SLX4: variants seen among roughly 807,000 people sequenced by gnomAD.
SLX4 encodes the protein SLX4 structure-specific endonuclease subunit, also known as structure-specific endonuclease subunit SLX4.
A neutral mutation model predicts 146.2 loss-of-function variants in SLX4; 112 were observed. The observed-to-expected ratio is 0.77, with a 90% CI of 0.66 to 0.90. The LOEUF is 0.90. Among genes scored for constraint, SLX4 ranks in the 40% least tolerant of loss-of-function variants. SLX4 has a pLI of 0.00. For synonymous variants in SLX4, 1,061 were observed against 997.7 expected, an observed-to-expected ratio of 1.06 and a Z score of -1.20; for missense variants, 2,563 against 2,392.7, an observed-to-expected ratio of 1.07 and a Z score of -1.49.
chr16:3,582,631 T>C lies in SLX4; in HGVS notation c.5216A>G (p.Glu1739Gly), dbSNP rs1238019311. 1.2e-6 allele frequency: 2 copies of C among 1,613,140 alleles called. No homozygotes were observed. The highest frequency in any genetic ancestry group is 2.7e-5 in the African/African-American group (2 of 74,874). The change falls in exon 15 of 15, where the codon GAG becomes GGG. Residue 1739 changes from glutamate (E) to glycine (G), a missense_variant. By Grantham distance (98) the Glu-to-Gly change is moderately conservative. Coordinates refer to ENST00000294008, the MANE Select transcript of SLX4 (RefSeq NM_032444.4). ...CACGGCTGCCTGCGAGGCACTGACC[T>C]CCCCCTCGCCCTCCTCTTCACCTGC... ...ESAGEEEGEG[E>G]VSASQAAVQA...
chr16:3,601,910 A>T (rs1359095452), intron 4 of SLX4: 6 of 581,308 alleles, frequency 1.0e-5, no homozygotes, highest in Non-Finnish European at 1.8e-5. Context: ...TGAATATCCC[A>T]AAAGTAGTGA....
intron 4 of SLX4, chr16:3,601,741 G>C (rs1267202117): frequency 3.1e-6 from 1 of 326,758 alleles, no homozygotes; most frequent in Non-Finnish European, 5.9e-6. Context: ...GGACAACTGT[G>C]CAATTTCAGA....
chr16:3,608,672 G>A lies in SLX4; in HGVS notation c.293C>T (p.Thr98Ile). Residue 98 changes from threonine (T) to isoleucine (I), a missense_variant, in exon 2 of 15, where the codon ACC becomes ATC. Transcript: ENST00000294008. Reference protein sequence around the residue: ...SKLKRTKQTATKTKTLQGPAE... With the variant: ...SKLKRTKQTAIKTKTLQGPAE... ...AGGGCCTTGAAGGGTTTTGGTCTTG[G>A]TAGCAGTTTGTTTGGTCCTTTTCAA... 1.2e-6 allele frequency: 2 copies of A among 1,614,192 alleles called. No individual in the cohort carries two copies. The highest frequency in any genetic ancestry group is 2.2e-5 in the South Asian group (2 of 91,074).
At position 3,597,569 on chromosome 16, in the gene SLX4, G is replaced by C. The variant is rs1326014010; in HGVS notation, c.1493C>G (p.Ser498Cys). The C allele has an allele frequency of 1.2e-6, 2 of 1,614,080 alleles. No homozygotes were observed. Among genetic ancestry groups the C allele is most frequent in the Non-Finnish European group, 1.7e-6 (2 of 1,180,032 alleles). ...ALLLSEEVELSSTPPLPASRI... is the reference protein window; with the variant it reads ...ALLLSEEVELCSTPPLPASRI... ...GCTGGCAGGAAGTGGTGGCGTGCTA[G>C]ACAATTCCACTTCCTCAGAGAGGAG... The change falls in exon 7 of 15, where the codon TCT becomes TGT. Residue 498 changes from serine (S) to cysteine (C), a missense_variant. Transcript: ENST00000294008. The surrounding 1 kb of genome is among the most constrained non-coding windows in gnomAD (Gnocchi z 4.4).
intron 5 of SLX4, chr16:3,600,775 TA>T (rs1422752139): frequency 1.8e-6 from 1 of 548,758 alleles, no homozygotes; most frequent in Admixed American, 3.1e-5. Flanking sequence ...TTTGTATTTT[TA>T]GTAGAGACGA....
Position 3,590,347 on chromosome 16 carries a change from G to A in SLX4, c.3291C>T (p.His1097=). The A allele has an allele frequency of 6.2e-7, 1 of 1,614,184 alleles. No individual in the cohort carries two copies. Among genetic ancestry groups the A allele is most frequent in the Non-Finnish European group, 8.5e-7 (1 of 1,180,026 alleles). The change falls in exon 12 of 15, where the codon CAC becomes CAT. Residue 1097 remains histidine (H), a synonymous_variant. Coordinates refer to ENST00000294008, the MANE Select transcript of SLX4 (RefSeq NM_032444.4). This position sits in a 1 kb window ranked among gnomAD's most constrained non-coding sequence, Gnocchi z 4.8. ...CGGACCGACGCTCTTTGCCTTTCTGGTGCCCTGGCTCTTTAGACAGCGTGA... is the reference window on the plus strand; with the variant it reads ...CGGACCGACGCTCTTTGCCTTTCTGATGCCCTGGCTCTTTAGACAGCGTGA... The part of the protein sequence containing the change: ...SILTLSKEPG[H]QKGKERRSVL...
At chr16:3,595,168 G>C (rs1033104645) in intron 9 of SLX4, among the ~76,000 whole-genome samples, 4 of 152,232 alleles carry the variant, frequency 2.6e-5, no homozygotes, top group South Asian at 4.1e-4. Flanking sequence ...GCCAGGCCAG[G>C]CTGCTCAGCT....
At chr16:3,610,150 CTGAA>C (rs767880678) in intron 1 of SLX4, among the ~76,000 whole-genome samples, 12 of 152,198 alleles carry the variant, frequency 7.9e-5, no homozygotes, top group Non-Finnish European at 1.8e-4. Context: ...AAAATCAAAA[CTGAA>C]TGACCCAATG....
chr16:3,600,925 CCT>C (rs2040719118), intron 5 of SLX4, 52 bp downstream of exon 5: 1 of 1,594,362 alleles, frequency 6.3e-7, no homozygotes, highest in African/African-American at 1.3e-5. Flanking sequence ...TAGAAAAAGC[CCT>C]GAGTGCACAC....
At chr16:3,593,137 C>T (rs1596524189) in intron 10 of SLX4, among the ~76,000 whole-genome samples, 1 of 150,964 alleles carries the variant, frequency 6.6e-6, no homozygotes, top group South Asian at 2.1e-4. Context: ...GTGGTGAGAT[C>T]TCGGCTCACT....
chr16:3,585,000 G>T, intron 12 of SLX4, 129 bp from the exon 13 acceptor site: 2 of 766,456 alleles, frequency 2.6e-6, no homozygotes, highest in South Asian at 1.4e-5. Flanking sequence ...CTCCATGAAA[G>T]CAACAGTGGT....
At chr16:3,592,961 T>G in intron 10 of SLX4, 96 bp from the exon 11 acceptor site, 1 of 1,305,040 alleles carries the variant, frequency 7.7e-7, no homozygotes, top group Non-Finnish European at 1.0e-6. Context: ...TCACTAGTCT[T>G]TTTATTTTTC....
chr16:3,595,307 A>G (rs2040638448), intron 9 of SLX4, among the ~76,000 whole-genome samples: 1 of 151,804 alleles, frequency 6.6e-6, no homozygotes, highest in Non-Finnish European at 1.5e-5. Flanking sequence ...GTCCCTCTAC[A>G]CTCCTGGGAC....
At position 3,609,206 on chromosome 16, in the gene SLX4, A is replaced by G; in HGVS notation, c.-242T>C. Reference sequence around the variant, plus strand: ...TGGATCACCTGAGGTCAGAAGTTCGAGACCAGCCTGGCCAATATGGTGAAA... The same window carrying G: ...TGGATCACCTGAGGTCAGAAGTTCGGGACCAGCCTGGCCAATATGGTGAAA... On this transcript the variant is annotated 5_prime_UTR_variant, in exon 2 of 15. Coordinates refer to ENST00000294008, the MANE Select transcript of SLX4 (RefSeq NM_032444.4). The G allele has an allele frequency of 2.2e-6, 1 of 464,164 alleles. No individual in the cohort carries two copies. The highest frequency in any genetic ancestry group is 4.0e-6 in the Non-Finnish European group (1 of 252,156). 28.8% of individuals were successfully genotyped at this position (464,164 alleles called of 1,614,324 possible). A position where few individuals can be genotyped will look rare whatever the true frequency, so the allele number is the denominator to read the frequency against.
intron 5 of SLX4, among the ~76,000 whole-genome samples, chr16:3,600,118 G>A (rs2040709640): frequency 6.6e-6 from 1 of 152,208 alleles, no homozygotes; most frequent in Admixed American, 6.5e-5. Flanking sequence ...CAGCATCAAA[G>A]CATTCCACCT....
intron 11 of SLX4, among the ~76,000 whole-genome samples, chr16:3,591,535 A>G (rs1224524975): frequency 1.3e-5 from 2 of 152,192 alleles, no homozygotes; most frequent in African/African-American, 4.8e-5. Flanking sequence ...CTTCCTAACT[A>G]TAGCTGCAGA....
In SLX4 at chr16:3,602,140, G is replaced by A. The variant is rs2040734023; in HGVS notation, c.928C>T (p.Arg310Ter). ...QKNLSAMNVTRREQHVNRCLD... is the reference protein window; with the variant it reads ...QKNLSAMNVT Reference sequence around the variant, plus strand: ...CACCTGTTCACATGCTGTTCCCTTCGGGTCACGTTCATGGCTGAGAGGTTC... The same window carrying A: ...CACCTGTTCACATGCTGTTCCCTTCAGGTCACGTTCATGGCTGAGAGGTTC... Residue 310 changes from arginine to a stop codon, truncating the protein, a stop_gained, in exon 4 of 15, where the codon CGA (arginine) becomes TGA (stop). Transcript: ENST00000294008. LOFTEE classifies it high-confidence loss of function. The A allele has an allele frequency of 3.1e-6, 5 of 1,614,090 alleles. No homozygotes were observed. Among genetic ancestry groups the A allele is most frequent in the Non-Finnish European group, 3.4e-6 (4 of 1,180,014 alleles).
chr16:3,593,903 GCT>G (rs995588403), intron 10 of SLX4, among the ~76,000 whole-genome samples: 1 of 152,102 alleles, frequency 6.6e-6, no homozygotes, highest in African/African-American at 2.4e-5. Context: ...ACAGAGTCTT[GCT>G]CTGTCGCCCA....
At chr16:3,584,735 C>G (rs1259196848) in intron 13 of SLX4, 34 bp downstream of exon 13, 2 of 1,520,856 alleles carry the variant, frequency 1.3e-6, no homozygotes, top group African/African-American at 1.4e-5. Flanking sequence ...AGGGAAAAGA[C>G]CACTGTGGGC....
Sources: gnomAD v4.1 joint callset for allele counts (sites outside exome capture counted in the v4.1 genomes callset) on GRCh38, gnomAD v4.1.1 for gene constraint, Gnocchi (gnomAD v3.1) non-coding constraint, MANE v1.5 for transcripts, NCBI Gene and HGNC (gene_info 2026-07-23, HGNC 2026-07-21) for gene names.